Variants in COPB1 observed in about 807,000 individuals in gnomAD.
COPB1 encodes the protein coat protein complex I subunit beta 1, also known as coatomer subunit beta.
A neutral mutation model predicts 108.7 loss-of-function variants in COPB1; 21 were observed. That is an observed-to-expected ratio of 0.19 (90% confidence interval 0.14 to 0.28). COPB1 has a LOEUF of 0.28. Ranked by LOEUF, COPB1 falls within the 10% of genes least tolerant of loss-of-function variation. COPB1 has a pLI of 1.00. For synonymous variants in COPB1, 378 were observed against 386.8 expected (o/e 0.98, Z 0.27); for missense variants, 919 against 1,141.3 (o/e 0.81, Z 2.81).
At chr11:14,473,156 G>A (rs1422090090) in intron 14 of COPB1, among the ~76,000 whole-genome samples, 2 of 151,998 alleles carry the variant, frequency 1.3e-5, no homozygotes, top group Admixed American at 1.3e-4. Context: ...TGTATTTTTA[G>A]TAGAGACAGG....
chr11:14,486,398 A>C lies in COPB1; in HGVS notation c.806T>G (p.Val269Gly). The change falls in exon 7 of 22, where the codon GTG becomes GGG. Residue 269 changes from valine to glycine, a missense_variant. Physicochemically the swap from Val to Gly is moderately radical, Grantham distance 109. Coordinates refer to ENST00000439561, the MANE Select transcript of COPB1 (RefSeq NM_001144061.2). ...AVKYEAAGTL[V>G]TLSSAPTAIK... ...TGCAGTTGGTGCACTAGAGAGTGTC[A>C]CTAATGTCCCAGCAGCTTCATATTT... 3 of 1,614,174 alleles carry C rather than the reference A, an allele frequency of 1.9e-6. No individual in the cohort carries two copies. Among genetic ancestry groups the C allele is most frequent in the Non-Finnish European group, 2.5e-6 (3 of 1,180,022 alleles).
intron 5 of COPB1, among the ~76,000 whole-genome samples, chr11:14,489,698 G>A (rs1245309607): frequency 2.6e-5 from 4 of 152,160 alleles, no homozygotes; most frequent in Non-Finnish European, 5.9e-5. Flanking sequence ...AAGTAGAATG[G>A]TGGCTGCCAG....
At chr11:14,498,380 G>C (rs372635469) in intron 2 of COPB1, among the ~76,000 whole-genome samples, 72 of 152,228 alleles carry the variant, frequency 4.7e-4, no homozygotes, top group African/African-American at 1.3e-3. Context: ...AAAATGAAAA[G>C]GTAAACTTTT....
At chr11:14,472,515 A>G (rs778819507) in intron 14 of COPB1, among the ~76,000 whole-genome samples, 6 of 152,224 alleles carry the variant, frequency 3.9e-5, no homozygotes, top group Admixed American at 2.0e-4. Context: ...TACTGGTTGT[A>G]TTAGCCCTTA....
At chr11:14,481,152 A>G in intron 8 of COPB1, 55 bp from the exon 9 acceptor site, 1 of 1,355,182 alleles carries the variant, frequency 7.4e-7, no homozygotes, top group East Asian at 2.3e-5. Flanking sequence ...TCACAGGAAA[A>G]AAATCTTCAC....
At chr11:14,479,439 T>C (rs1850608209) in intron 11 of COPB1, 130 bp downstream of exon 11, 2 of 800,076 alleles carry the variant, frequency 2.5e-6, no homozygotes, top group Admixed American at 6.0e-5. Context: ...AGCGAGATGC[T>C]TGTTGTACAA....
At chr11:14,458,236 A>G (rs533463683) in intron 21 of COPB1, among the ~76,000 whole-genome samples, 72 of 151,632 alleles carry the variant, frequency 4.7e-4, no homozygotes, top group Non-Finnish European at 9.3e-4. Context: ...GTGCGCTACA[A>G]CACCCAGCTA....
Position 14,499,804 on chromosome 11 carries a change from C to G in COPB1, c.-155G>C, listed in dbSNP as rs1024200049. On this transcript the variant is annotated 5_prime_UTR_variant, in exon 1 of 22. Transcript: ENST00000439561. ...TCCGTCTACTGCGGCTCCGTCTACT[C>G]CGGCTATGAACCGCAGCAGCGGCGG... The G allele has an allele frequency of 6.5e-6, 1 of 153,702 alleles. No individual in the cohort carries two copies. Among genetic ancestry groups the G allele is most frequent in the Non-Finnish European group, 1.4e-5 (1 of 69,384 alleles). The allele number at this position is 153,702 out of a possible 1,614,324, so 9.5% of individuals were successfully genotyped here. A position where few individuals can be genotyped will look rare whatever the true frequency, so the allele number is the denominator to read the frequency against.
chr11:14,483,711 A>G (rs1325290390), intron 7 of COPB1, among the ~76,000 whole-genome samples: 1 of 152,200 alleles, frequency 6.6e-6, no homozygotes, highest in Admixed American at 6.5e-5. Context: ...GAAGGAAGGA[A>G]AAGAAGGGAG....
intron 4 of COPB1, among the ~76,000 whole-genome samples, chr11:14,491,568 C>G (rs56669625): frequency 6.6e-6 from 1 of 151,244 alleles, no homozygotes; most frequent in African/African-American, 2.4e-5. Flanking sequence ...ACTTGGGAGG[C>G]TGAGGCAGGA....
At chr11:14,495,780 G>C (rs1851005758) in intron 2 of COPB1, among the ~76,000 whole-genome samples, 1 of 152,152 alleles carries the variant, frequency 6.6e-6, no homozygotes, top group African/African-American at 2.4e-5. Flanking sequence ...TTCCAACTAA[G>C]GGCAGATTTT....
chr11:14,479,191 G>A (rs568234649), intron 11 of COPB1, among the ~76,000 whole-genome samples: 1 of 152,206 alleles, frequency 6.6e-6, no homozygotes, highest in South Asian at 2.1e-4. Context: ...CATTAGCAAA[G>A]GCTCTCTGAA....
chr11:14,458,838 C>T (rs534875313), intron 20 of COPB1, 151 bp from the exon 21 acceptor site: 58 of 607,238 alleles, frequency 9.6e-5, no homozygotes, highest in African/African-American at 8.2e-4. Context: ...GGCGTGATCT[C>T]GGCTCACTGC....
chr11:14,464,776 T>C (rs968079281), intron 18 of COPB1, 135 bp downstream of exon 18: 7 of 937,034 alleles, frequency 7.5e-6, no homozygotes, highest in Non-Finnish European at 1.1e-5. Flanking sequence ...CAATGCGTGG[T>C]ACCATAGAGA....
intron 2 of COPB1, 55 bp from the exon 3 acceptor site, chr11:14,494,494 C>T (rs1850975263): frequency 9.5e-7 from 1 of 1,050,854 alleles, no homozygotes; most frequent in Admixed American, 2.3e-5. Flanking sequence ...GAAAATTCAT[C>T]ACATAAATTT....
intron 6 of COPB1, among the ~76,000 whole-genome samples, chr11:14,487,850 T>TCA (rs1850812025): frequency 6.6e-6 from 1 of 152,162 alleles, no homozygotes; most frequent in South Asian, 2.1e-4. Context: ...GACCATACTA[T>TCA]CATATTTAAT....
chr11:14,499,643 C>T (rs1465634470), intron 1 of COPB1, 64 bp downstream of exon 1: 3 of 151,022 alleles, frequency 2.0e-5, no homozygotes, highest in Non-Finnish European at 4.4e-5. Context: ...CGCAAGCGGC[C>T]TAGTCGCTCC....
intron 16 of COPB1, among the ~76,000 whole-genome samples, chr11:14,468,217 C>G (rs949816792): frequency 4.6e-5 from 7 of 152,136 alleles, no homozygotes; most frequent in Admixed American, 2.6e-4. Context: ...GATGAGGGAT[C>G]ACTGATTCTT....
intron 14 of COPB1, among the ~76,000 whole-genome samples, chr11:14,471,109 CT>C (rs1481677402): frequency 6.6e-6 from 1 of 152,068 alleles, no homozygotes; most frequent in African/African-American, 2.4e-5. Context: ...AAAAAATAGG[CT>C]TTTTCCAGAC....
Sources: allele counts gnomAD v4.1 joint callset (sites outside exome capture counted in the v4.1 genomes callset), GRCh38; gene constraint gnomAD v4.1.1; transcripts MANE v1.5; gene names NCBI Gene and HGNC (gene_info 2026-07-23, HGNC 2026-07-21).